The following MCU variants were observed in gnomAD, a reference collection of about 807,000 sequenced individuals.
MCU encodes calcium uniporter protein, mitochondrial.
A neutral mutation model predicts 45.2 loss-of-function variants in MCU; 12 were observed. The observed-to-expected ratio is 0.27, with a 90% CI of 0.17 to 0.43. The LOEUF is 0.43. Ranked by LOEUF, MCU falls within the 20% of genes least tolerant of loss-of-function variation. The pLI, the probability that MCU is intolerant of heterozygous loss-of-function variation, is 1.00. For synonymous variants in MCU, 160 were observed against 165.1 expected, an observed-to-expected ratio of 0.97 and a Z score of 0.24; for missense variants, 324 against 436.7, an observed-to-expected ratio of 0.74 and a Z score of 2.30.
intron 1 of MCU, among the ~76,000 whole-genome samples, chr10:72,812,987 C>T (rs189225321): frequency 4.9e-4 from 74 of 152,286 alleles, no homozygotes; most frequent in Non-Finnish European, 1.1e-3. Context: ...CTTTTCTAAG[C>T]TGTACTAAAC....
At chr10:72,702,119 G>A (rs1031893704) in intron 1 of MCU, among the ~76,000 whole-genome samples, 1 of 151,194 alleles carries the variant, frequency 6.6e-6, no homozygotes. Flanking sequence ...TGGGGGGGAG[G>A]GGGGCGCCAT....
At chr10:72,757,589 A>G (rs1177669987) in intron 1 of MCU, among the ~76,000 whole-genome samples, 1 of 113,790 alleles carries the variant, frequency 8.8e-6, no homozygotes, top group African/African-American at 2.5e-5. Context: ...CACCTAGTTC[A>G]TAATAATTTT....
intron 1 of MCU, among the ~76,000 whole-genome samples, chr10:72,744,322 T>C (rs1291525119): frequency 6.6e-6 from 1 of 151,908 alleles, no homozygotes; most frequent in African/African-American, 2.4e-5. Flanking sequence ...ACAGACTGAA[T>C]GCAGGCTTGA....
At chr10:72,762,422 G>A (rs1490853182) in intron 1 of MCU, among the ~76,000 whole-genome samples, 1 of 151,768 alleles carries the variant, frequency 6.6e-6, no homozygotes, top group Non-Finnish European at 1.5e-5. Flanking sequence ...TATAATAGAG[G>A]AACAGGGATT....
At chr10:72,740,454 A>G in intron 1 of MCU, among the ~76,000 whole-genome samples, 1 of 152,002 alleles carries the variant, frequency 6.6e-6, no homozygotes, top group East Asian at 1.9e-4. Context: ...TTATCTCAGG[A>G]TGGGAAGCTC....
At chr10:72,810,004 G>A (rs148137236) in intron 1 of MCU, among the ~76,000 whole-genome samples, 6 of 119,448 alleles carry the variant, frequency 5.0e-5, no homozygotes, top group Non-Finnish European at 1.3e-4. Flanking sequence ...GCTTCTGTGT[G>A]TGCATGTGTG....
At chr10:72,798,453 G>A (rs533765806) in intron 1 of MCU, among the ~76,000 whole-genome samples, 32 of 152,068 alleles carry the variant, frequency 2.1e-4, no homozygotes, top group African/African-American at 6.7e-4. Context: ...CACCATGCCC[G>A]GCTAATTTTT....
chr10:72,855,689 A>G (rs1483930148), intron 2 of MCU, among the ~76,000 whole-genome samples: 1 of 152,222 alleles, frequency 6.6e-6, no homozygotes, highest in Non-Finnish European at 1.5e-5. Context: ...GGAAAAGTAG[A>G]AGAAAGAACA....
At chr10:72,858,067 C>CT (rs1159425211) in intron 2 of MCU, among the ~76,000 whole-genome samples, 1 of 152,162 alleles carries the variant, frequency 6.6e-6, no homozygotes, top group Non-Finnish European at 1.5e-5. Context: ...AGGTTGCAGG[C>CT]TGCAGGGTGG....
chr10:72,886,455 C>T lies in MCU; in HGVS notation c.*633C>T, dbSNP rs1009441822. On this transcript the variant is annotated 3_prime_UTR_variant, in exon 8 of 8. Coordinates refer to ENST00000373053, the MANE Select transcript of MCU (RefSeq NM_138357.3). ...TGACACTTTAGATTATCTCTTAATACCTTCTTAAATGTCTATATATCCCAG... is the reference window on the plus strand; with the variant it reads ...TGACACTTTAGATTATCTCTTAATATCTTCTTAAATGTCTATATATCCCAG... 2 of 152,322 alleles carry T rather than the reference C, an allele frequency of 1.3e-5. No homozygotes were observed. Among genetic ancestry groups the T allele is most frequent in the Non-Finnish European group, 2.9e-5 (2 of 68,050 alleles). The allele number at this position is 152,322 out of a possible 1,614,324, so 9.4% of individuals were successfully genotyped here. A position where few individuals can be genotyped will look rare whatever the true frequency, so the allele number is the denominator to read the frequency against.
chr10:72,835,483 C>T (rs967858304), intron 2 of MCU, among the ~76,000 whole-genome samples: 34 of 152,172 alleles, frequency 2.2e-4, no homozygotes, highest in African/African-American at 8.2e-4. Context: ...TGCAAATTTA[C>T]AAGGGTGCCT....
chr10:72,770,786 C>G (rs1333865097), intron 1 of MCU, among the ~76,000 whole-genome samples: 1 of 151,818 alleles, frequency 6.6e-6, no homozygotes, highest in Non-Finnish European at 1.5e-5. Flanking sequence ...TGTTATAGAC[C>G]CAGTAGTACA....
chr10:72,779,866 T>G (rs552882529), intron 1 of MCU, among the ~76,000 whole-genome samples: 1 of 152,308 alleles, frequency 6.6e-6, no homozygotes, highest in African/African-American at 2.4e-5. Flanking sequence ...GAAAATAGTT[T>G]GTCTGCCTCT....
chr10:72,713,137 C>T (rs1424089135), intron 1 of MCU, among the ~76,000 whole-genome samples: 1 of 152,082 alleles, frequency 6.6e-6, no homozygotes, highest in Non-Finnish European at 1.5e-5. Context: ...AAATGGTGAC[C>T]AATTTTAAGC....
chr10:72,832,621 C>G (rs961477417), intron 1 of MCU, among the ~76,000 whole-genome samples: 2 of 152,244 alleles, frequency 1.3e-5, no homozygotes, highest in South Asian at 4.1e-4. Context: ...AAATCAAAAT[C>G]CTTTTTTAAC....
intron 1 of MCU, among the ~76,000 whole-genome samples, chr10:72,713,827 C>T (rs1842923732): frequency 6.6e-6 from 1 of 151,904 alleles, no homozygotes; most frequent in Non-Finnish European, 1.5e-5. Flanking sequence ...TAGTGGATGG[C>T]CTAAGACTTT....
intron 1 of MCU, among the ~76,000 whole-genome samples, chr10:72,704,157 G>A (rs909734619): frequency 1.8e-4 from 27 of 152,126 alleles, no homozygotes; most frequent in African/African-American, 6.5e-4. Flanking sequence ...GGAAAGGATG[G>A]GACCAGAGAG....
At chr10:72,733,889 A>G (rs1329983729) in intron 1 of MCU, among the ~76,000 whole-genome samples, 3 of 151,772 alleles carry the variant, frequency 2.0e-5, no homozygotes, top group Non-Finnish European at 2.9e-5. Flanking sequence ...CTTATTGGAG[A>G]AAATTTGGAA....
intron 1 of MCU, among the ~76,000 whole-genome samples, chr10:72,729,914 G>A (rs781258952): frequency 4.7e-5 from 7 of 148,484 alleles, no homozygotes; most frequent in Non-Finnish European, 7.4e-5. Context: ...CTGTGCTTGA[G>A]AACCATTGCT....
Sources: gnomAD v4.1 joint callset for allele counts (sites outside exome capture counted in the v4.1 genomes callset) on GRCh38, gnomAD v4.1.1 for gene constraint, MANE v1.5 for transcripts, NCBI Gene and HGNC (gene_info 2026-07-23, HGNC 2026-07-21) for gene names.